Variants in DSC3 observed in about 807,000 individuals in gnomAD.
DSC3 encodes the protein desmocollin 3, also known as desmocollin-3.
DSC3 carries 97 observed loss-of-function variants against 89.5 expected under a neutral mutation model. The ratio of observed to expected loss-of-function variants is 1.08; its 90% CI spans 0.92 to 1.28. The LOEUF (loss-of-function observed/expected upper bound fraction) is 1.28. Ranked by LOEUF, DSC3 falls within the 50% of genes most tolerant of loss-of-function variation. DSC3 has a pLI of 0.00. For missense variants in DSC3, 1,199 were observed against 1,085.3 expected (o/e 1.10, Z -1.47); for synonymous variants, 436 against 384.1 (o/e 1.14, Z -1.58).
chr18:31,000,368 TAAAC>T (rs1003609806), intron 14 of DSC3, among the ~76,000 whole-genome samples: 2 of 152,202 alleles, frequency 1.3e-5, no homozygotes, highest in African/African-American at 2.4e-5. Context: ...AACTCATGCT[TAAAC>T]TAAGCTTTCA....
In DSC3 at chr18:31,018,790, T is replaced by C. The variant is rs1168502218; in HGVS notation, c.953A>G (p.Lys318Arg). 6.2e-7 allele frequency: 1 copy of C among 1,613,580 alleles called. No individual in the cohort carries two copies. The highest frequency in any genetic ancestry group is 8.5e-7 in the Non-Finnish European group (1 of 1,179,900). Reference protein sequence around the residue: ...SHYLDREVVDKYSLIMKVQDM... With the variant: ...SHYLDREVVDRYSLIMKVQDM... ...TTGTACTTTCATTATCAATGAGTAC[T>C]TGTCTACAACCTGGAAACAAAGCAA... The change falls in exon 8 of 16, where the codon AAG (lysine) becomes AGG (arginine). Residue 318 changes from lysine (K) to arginine (R), a missense_variant. Physicochemically the swap from Lys to Arg is conservative, Grantham distance 26. Coordinates refer to ENST00000360428, the MANE Select transcript of DSC3 (RefSeq NM_001941.5).
chr18:31,036,798 C>CTTTTGTTTTTTTTTTTT (rs1555635106), intron 1 of DSC3, among the ~76,000 whole-genome samples: 1 of 107,424 alleles, frequency 9.3e-6, no homozygotes, highest in Admixed American at 1.0e-4. Flanking sequence ...TTCTTTCTTC[C>CTTTTGTTTTTTTTTTTT]TTTTTTTTTT....
intron 6 of DSC3, among the ~76,000 whole-genome samples, chr18:31,023,229 A>G (rs994554836): frequency 6.6e-6 from 1 of 152,194 alleles, no homozygotes; most frequent in African/African-American, 2.4e-5. Context: ...TATAATGTCA[A>G]TGTAATGTCA....
chr18:31,022,154 TG>T lies in DSC3; in HGVS notation c.942+181del, dbSNP rs1985442094. On this transcript the variant is annotated intron_variant, in intron 7 of 15. Coordinates refer to ENST00000360428, the MANE Select transcript of DSC3 (RefSeq NM_001941.5). The stretch of plus-strand genomic sequence containing the variant: ...AATTGATCTGCGTTTCTAGTCCTTA[TG>T]GCTACTCTAACATAAGGAAATAGAA... Among the ~76,000 whole-genome samples the T allele has an allele frequency of 2.0e-5, 3 of 152,296 alleles. No individual in the cohort carries two copies. In the South Asian group the frequency reaches 6.2e-4, roughly 32 times the overall value.
intron 1 of DSC3, among the ~76,000 whole-genome samples, chr18:31,036,089 C>T (rs1985959841): frequency 6.6e-6 from 1 of 152,070 alleles, no homozygotes; most frequent in African/African-American, 2.4e-5. Context: ...AACAGCTGTG[C>T]CTAAAGCGGA....
At chr18:31,010,948 C>A (rs1242150240) in intron 9 of DSC3, among the ~76,000 whole-genome samples, 1 of 152,136 alleles carries the variant, frequency 6.6e-6, no homozygotes, top group Non-Finnish European at 1.5e-5. Flanking sequence ...ATAATAATAT[C>A]CCACAGTTTA....
At chr18:31,006,098 T>A (rs1218298129) in intron 12 of DSC3, among the ~76,000 whole-genome samples, 1 of 152,076 alleles carries the variant, frequency 6.6e-6, no homozygotes, top group Non-Finnish European at 1.5e-5. Flanking sequence ...GTACAGAACA[T>A]GACAGCCCCC....
rs1984488427 is a variant in DSC3, at chr18:30,996,869, C to T, written c.2415G>A (p.Arg805=). Residue 805 remains arginine (R), a synonymous_variant, in exon 15 of 16, where the codon AGG becomes AGA. Coordinates refer to ENST00000360428, the MANE Select transcript of DSC3 (RefSeq NM_001941.5). ...AGTTGTCCACCTCCGTGTGTCCTCC[C>T]CTGCAGGAGTCCAGGGTATGATGAT... ...AGHHHTLDSC[R]GGHTEVDNCR... is the part of the protein sequence containing the mutation. 4 of 1,613,896 alleles carry T rather than the reference C, an allele frequency of 2.5e-6. No homozygotes were observed. Among genetic ancestry groups the T allele is most frequent in the Non-Finnish European group, 3.4e-6 (4 of 1,180,000 alleles).
intron 11 of DSC3, 30 bp downstream of exon 11, chr18:31,007,986 T>G (rs759515927): frequency 1.3e-6 from 2 of 1,556,906 alleles, no homozygotes; most frequent in South Asian, 1.1e-5. Context: ...AATTCCTTTA[T>G]AGAATACCAG....
Position 31,042,586 on chromosome 18 carries a change from G to C in DSC3, c.69+6C>G. On this transcript the variant is annotated splice_donor_region_variant and intron_variant, in intron 1 of 15. Coordinates refer to ENST00000360428, the MANE Select transcript of DSC3 (RefSeq NM_001941.5). ...CCCCAGCCCTATCCGGCGAGATCTG[G>C]CTTACCACGAGGGTCAGCAGCAGAT... 6.4e-7 allele frequency: 1 copy of C among 1,550,402 alleles called. No homozygotes were observed. The highest frequency in any genetic ancestry group is 2.4e-5 in the East Asian group (1 of 40,890).
rs1984347584 is a variant in DSC3 at position 30,993,579 on chromosome 18, TTAA to T, written c.*593_*595del. 1.3e-5 allele frequency: 2 copies of T among 152,416 alleles called. No homozygotes were observed. Among genetic ancestry groups the T allele is most frequent in the Admixed American group, 1.3e-4 (2 of 15,294 alleles). The allele number at this position is 152,416 out of a possible 1,614,324, so 9.4% of individuals were successfully genotyped here. On this transcript the variant is annotated 3_prime_UTR_variant, in exon 16 of 16. Transcript: ENST00000360428. ...CATTTCATTTTAAATATTGCATTGA[TTAA>T]TAATAATATACACACACACATTTAT...
rs572681587 is a variant in DSC3 at position 31,003,334 on chromosome 18, G to C, written c.2113+808C>G. The stretch of plus-strand genomic sequence containing the variant: ...ATTGTTTTTGCTTGTTTGTTTGTTT[G>C]TCTTTCCCTATTTTTCCTAAGCACC... On this transcript the variant is annotated intron_variant, in intron 13 of 15. Transcript: ENST00000360428. Among the ~76,000 whole-genome samples, 93 of 152,002 alleles carry C rather than the reference G, an allele frequency of 6.1e-4. 6 individuals carry two copies. Among genetic ancestry groups the C allele is most frequent in the Non-Finnish European group, 8.8e-5 (6 of 67,984 alleles).
intron 1 of DSC3, among the ~76,000 whole-genome samples, chr18:31,038,543 T>C (rs1986038826): frequency 6.6e-6 from 1 of 152,194 alleles, no homozygotes; most frequent in Admixed American, 6.5e-5. Flanking sequence ...TACTTCCTTT[T>C]CATTCCTAAT....
intron 9 of DSC3, among the ~76,000 whole-genome samples, chr18:31,009,019 T>G (rs1360252086): frequency 1.3e-5 from 2 of 152,260 alleles, no homozygotes; most frequent in Middle Eastern, 6.8e-3. Context: ...TTCTGTCTCA[T>G]AGAAAAGATA....
rs191482610 is a variant in DSC3 at position 30,993,957 on chromosome 18, T to C, written c.*218A>G. On this transcript the variant is annotated 3_prime_UTR_variant, in exon 16 of 16. Coordinates refer to ENST00000360428, the MANE Select transcript of DSC3 (RefSeq NM_001941.5). ...GATGCTTTAGAGACCTTAATTCCAG[T>C]GCTGGAGTTTGAGATTTACCAGTTG... 8.4e-5 allele frequency: 41 copies of C among 489,620 alleles called. No individual in the cohort carries two copies. Among genetic ancestry groups the C allele is most frequent in the Admixed American group, 6.5e-4 (19 of 29,292 alleles). The allele number at this position is 489,620 out of a possible 1,614,324, so 30.3% of individuals were successfully genotyped here.
At position 31,018,078 on chromosome 18, in the gene DSC3, A is replaced by G. The variant is rs1371332201; in HGVS notation, c.1256T>C (p.Val419Ala). The G allele has an allele frequency of 6.2e-7, 1 of 1,612,196 alleles. No homozygotes were observed. The highest frequency in any genetic ancestry group is 8.5e-7 in the Non-Finnish European group (1 of 1,179,030). The change falls in exon 9 of 16, where the codon GTT (valine) becomes GCT (alanine). Residue 419 changes from valine to alanine, a missense_variant. Physicochemically the swap from Val to Ala is moderately conservative, Grantham distance 64. Coordinates refer to ENST00000360428, the MANE Select transcript of DSC3 (RefSeq NM_001941.5). ...AATTATACATTACTGTACCTTTACA[A>G]CAGAAAGAACACCTTCATTAGTTTC... ...DKETNEGVLSVVKPLNYEENR... is the reference protein window; with the variant it reads ...DKETNEGVLSAVKPLNYEENR...
intron 1 of DSC3, among the ~76,000 whole-genome samples, chr18:31,040,928 A>G: frequency 6.6e-6 from 1 of 152,112 alleles, no homozygotes; most frequent in Non-Finnish European, 1.5e-5. Context: ...CAGATGAAAT[A>G]GTCATTTTCT....
intron 1 of DSC3, among the ~76,000 whole-genome samples, 182 bp downstream of exon 1, chr18:31,042,410 C>G (rs987179059): frequency 6.6e-6 from 1 of 152,220 alleles, no homozygotes; most frequent in African/African-American, 2.4e-5. Flanking sequence ...AGTCGACCCG[C>G]AAACACACGT....
chr18:31,002,346 A>G (rs954805651), intron 13 of DSC3, among the ~76,000 whole-genome samples: 1 of 152,218 alleles, frequency 6.6e-6, no homozygotes, highest in East Asian at 1.9e-4. Flanking sequence ...TGTATGGCCT[A>G]TGAGCTAAGA....
Sources: allele counts gnomAD v4.1 joint callset (sites outside exome capture counted in the v4.1 genomes callset), GRCh38; gene constraint gnomAD v4.1.1; transcripts MANE v1.5; gene names NCBI Gene and HGNC (gene_info 2026-07-23, HGNC 2026-07-21).